Variants in ARHGEF26 observed in about 807,000 individuals in gnomAD.
The protein encoded by ARHGEF26 is Rho guanine nucleotide exchange factor 26.
In ARHGEF26, 59 loss-of-function variants were observed where a neutral mutation model predicts 89.4. That is an observed-to-expected ratio of 0.66 (90% CI 0.54 to 0.82). The LOEUF (loss-of-function observed/expected upper bound fraction) is 0.82, where lower values mean the gene tolerates loss of function less well. Among genes scored for constraint, ARHGEF26 ranks in the 40% least tolerant of loss-of-function variants. ARHGEF26 has a pLI of 0.00. For synonymous variants in ARHGEF26, 500 were observed against 428.4 expected, an observed-to-expected ratio of 1.17 and a Z score of -2.06; for missense variants, 1,234 against 1,085.6, an observed-to-expected ratio of 1.14 and a Z score of -1.92.
intron 5 of ARHGEF26, among the ~76,000 whole-genome samples, chr3:154,150,137 CT>C (rs11415597): frequency 4.9e-4 from 67 of 137,382 alleles, no homozygotes; most frequent in South Asian, 7.0e-4. Flanking sequence ...CAAGGATGTC[CT>C]TTTTTTTTTT....
At chr3:154,234,043 T>G (rs1054541895) in intron 11 of ARHGEF26, among the ~76,000 whole-genome samples, 3 of 152,238 alleles carry the variant, frequency 2.0e-5, no homozygotes, top group African/African-American at 7.2e-5. Flanking sequence ...AATAGCATCT[T>G]TTCTTTTAAA....
At chr3:154,221,903 T>G (rs1484542240) in intron 10 of ARHGEF26, among the ~76,000 whole-genome samples, 2 of 152,182 alleles carry the variant, frequency 1.3e-5, no homozygotes, top group African/African-American at 4.8e-5. Flanking sequence ...GGGAAGGTAA[T>G]GAGTTCTATT....
chr3:154,212,720 A>G (rs1715454927), intron 9 of ARHGEF26, among the ~76,000 whole-genome samples: 1 of 152,112 alleles, frequency 6.6e-6, no homozygotes, highest in Non-Finnish European at 1.5e-5. Flanking sequence ...GCAGTTTACA[A>G]TAAGGTTCAC....
chr3:154,219,913 C>A (rs1485819272), intron 10 of ARHGEF26, among the ~76,000 whole-genome samples: 3 of 150,214 alleles, frequency 2.0e-5, no homozygotes, highest in East Asian at 2.0e-4. Context: ...GACTCCGTCT[C>A]AAAAAAAACA....
chr3:154,192,230 G>A (rs1184025868), intron 8 of ARHGEF26, among the ~76,000 whole-genome samples: 1 of 152,184 alleles, frequency 6.6e-6, no homozygotes, highest in Non-Finnish European at 1.5e-5. Flanking sequence ...GGATCATAAT[G>A]TTGATATAAG....
intron 11 of ARHGEF26, among the ~76,000 whole-genome samples, chr3:154,236,515 T>G (rs987342841): frequency 3.9e-5 from 6 of 152,256 alleles, no homozygotes; most frequent in South Asian, 2.1e-4. Flanking sequence ...AACTTCCTCA[T>G]TACATGTTCC....
At chr3:154,217,099 G>A (rs1715808539) in intron 9 of ARHGEF26, among the ~76,000 whole-genome samples, 2 of 151,786 alleles carry the variant, frequency 1.3e-5, no homozygotes, top group South Asian at 4.2e-4. Context: ...AGATCCCTGA[G>A]GAGTCACCAC....
chr3:154,150,799 C>T (rs1299271863), intron 5 of ARHGEF26, among the ~76,000 whole-genome samples: 2 of 152,140 alleles, frequency 1.3e-5, no homozygotes, highest in Non-Finnish European at 2.9e-5. Context: ...CTATTTCTAT[C>T]ATATTCTGAA....
intron 6 of ARHGEF26, among the ~76,000 whole-genome samples, chr3:154,164,763 C>T (rs925110713): frequency 3.3e-5 from 5 of 152,076 alleles, no homozygotes; most frequent in Non-Finnish European, 5.9e-5. Flanking sequence ...TCTCTTGAGT[C>T]TTGTATATAT....
intron 9 of ARHGEF26, among the ~76,000 whole-genome samples, chr3:154,202,451 G>C (rs1031355378): frequency 2.6e-5 from 4 of 152,204 alleles, no homozygotes; most frequent in Admixed American, 1.3e-4. Flanking sequence ...CTCCAGCTTT[G>C]TTCTTTTGGC....
intron 9 of ARHGEF26, among the ~76,000 whole-genome samples, chr3:154,210,648 A>G (rs1011240860): frequency 3.3e-5 from 5 of 150,966 alleles, no homozygotes; most frequent in African/African-American, 1.2e-4. Flanking sequence ...TATGTCTACA[A>G]ACGTTGTCTG....
intron 6 of ARHGEF26, among the ~76,000 whole-genome samples, chr3:154,159,428 T>C (rs1711536895): frequency 6.6e-6 from 1 of 152,138 alleles, no homozygotes; most frequent in African/African-American, 2.4e-5. Flanking sequence ...CTGAATTTGT[T>C]CCCAACATAT....
intron 2 of ARHGEF26, among the ~76,000 whole-genome samples, chr3:154,123,618 G>T (rs1275574670): frequency 6.6e-6 from 1 of 152,160 alleles, no homozygotes; most frequent in African/African-American, 2.4e-5. Flanking sequence ...CAGTTGCCAG[G>T]ATCACAAAAG....
chr3:154,216,502 ATTTTTTATT>A (rs1715748657), intron 9 of ARHGEF26, among the ~76,000 whole-genome samples: 1 of 49,118 alleles, frequency 2.0e-5, no homozygotes, highest in African/African-American at 8.1e-5. Flanking sequence ...ATTTTTTTTT[ATTTTTTATT>A]TTTTTTTTAT....
chr3:154,192,361 C>T (rs1033865204), intron 8 of ARHGEF26, among the ~76,000 whole-genome samples: 1 of 152,130 alleles, frequency 6.6e-6, no homozygotes, highest in African/African-American at 2.4e-5. Flanking sequence ...TTCTAAAATA[C>T]ATTCTTTAAA....
chr3:154,166,237 A>T (rs957893213), intron 6 of ARHGEF26, among the ~76,000 whole-genome samples: 2 of 152,050 alleles, frequency 1.3e-5, no homozygotes, highest in Non-Finnish European at 2.9e-5. Flanking sequence ...TTTTTAGTAG[A>T]GACGGGGTTT....
intron 9 of ARHGEF26, among the ~76,000 whole-genome samples, chr3:154,213,039 G>T (rs1715476317): frequency 6.6e-6 from 1 of 152,096 alleles, no homozygotes; most frequent in Non-Finnish European, 1.5e-5. Context: ...TGTATATAAT[G>T]CCAAAGTGCC....
In ARHGEF26 at chr3:154,240,596, A is replaced by G. The variant is rs1277847787; in HGVS notation, c.2300+17A>G. On this transcript the variant is annotated intron_variant, in intron 12 of 14. Coordinates refer to ENST00000465093, the MANE Select transcript of ARHGEF26 (RefSeq NM_015595.4). ...TGAGACGCAGTAAGTATATGTGGGG[A>G]AAAGATTGGAATAGCTGATAGTATC... 6.3e-7 allele frequency: 1 copy of G among 1,583,606 alleles called. No homozygotes were observed. The highest frequency in any genetic ancestry group is 1.8e-5 in the Admixed American group (1 of 55,406).
intron 6 of ARHGEF26, among the ~76,000 whole-genome samples, chr3:154,184,960 T>C (rs1175862021): frequency 1.3e-5 from 2 of 152,176 alleles, no homozygotes; most frequent in African/African-American, 4.8e-5. Context: ...AACTTCCCAG[T>C]TTCCCCAACC....
Sources: allele counts gnomAD v4.1 joint callset (sites outside exome capture counted in the v4.1 genomes callset), GRCh38; gene constraint gnomAD v4.1.1; transcripts MANE v1.5; gene names NCBI Gene and HGNC (gene_info 2026-07-23, HGNC 2026-07-21).